TASP1: variants seen among roughly 807,000 people sequenced by gnomAD.
The protein encoded by TASP1 is taspase 1, also known as threonine aspartase 1.
TASP1 carries 16 observed loss-of-function variants against 56.6 expected under a neutral mutation model. The ratio of observed to expected loss-of-function variants is 0.28; its 90% confidence interval spans 0.19 to 0.43. The LOEUF is 0.43. TASP1 is among the 20% of genes least tolerant of loss of function. TASP1 has a pLI of 1.00. For synonymous variants in TASP1, 179 were observed against 184.2 expected (o/e 0.97, Z 0.23); for missense variants, 393 against 511.6 (o/e 0.77, Z 2.24).
chr20:13,206,585 C>T, the TASP1 span, among the ~76,000 whole-genome samples: 1 of 152,084 alleles, frequency 6.6e-6, no homozygotes, highest in African/African-American at 2.4e-5. Context: ...GGGAGGAAGG[C>T]CTGCACAAGG....
At chr20:13,253,879 G>A in the TASP1 span, among the ~76,000 whole-genome samples, 14 of 98,310 alleles carry the variant, frequency 1.4e-4, no homozygotes, top group East Asian at 1.1e-3. Flanking sequence ...ATATATATAT[G>A]TGTGTGTGTA....
At chr20:13,252,271 G>A in the TASP1 span, among the ~76,000 whole-genome samples, 1 of 152,176 alleles carries the variant, frequency 6.6e-6, no homozygotes, top group Non-Finnish European at 1.5e-5. Context: ...GGACCATTTG[G>A]CTTTGATGAT....
intron 8 of TASP1, among the ~76,000 whole-genome samples, chr20:13,555,686 G>C (rs2046133409): frequency 6.6e-6 from 1 of 152,142 alleles, no homozygotes; most frequent in Non-Finnish European, 1.5e-5. Flanking sequence ...AAATGCCTAT[G>C]AATGTTGATA....
Position 13,472,303 on chromosome 20 carries a change from C to T in TASP1, c.985+10924G>A, listed in dbSNP as rs560477734. Among the ~76,000 whole-genome samples the T allele has an allele frequency of 2.6e-5, 4 of 151,052 alleles. No individual in the cohort carries two copies. The South Asian group carries it at 8.3e-4, about 31-fold the overall frequency. On this transcript the variant is annotated intron_variant, in intron 11 of 13. Transcript: ENST00000337743. The stretch of plus-strand genomic sequence containing the variant: ...CTTATGTAGAAAGCTGAAACTGGAT[C>T]CCCTCTTTACACCTTATACAAAAAT...
intron 11 of TASP1, among the ~76,000 whole-genome samples, chr20:13,471,289 A>G (rs1416018116): frequency 6.6e-6 from 1 of 152,056 alleles, no homozygotes; most frequent in Admixed American, 6.5e-5. Context: ...ATGGAAGACA[A>G]CCCCAAGGTC....
At chr20:13,185,023 A>T in the TASP1 span, among the ~76,000 whole-genome samples, 1 of 152,140 alleles carries the variant, frequency 6.6e-6, no homozygotes, top group Admixed American at 6.6e-5. Flanking sequence ...ATGGAAGATT[A>T]AAAAAATAAC....
chr20:13,614,238 G>A (rs973853755), intron 4 of TASP1, among the ~76,000 whole-genome samples: 1 of 152,068 alleles, frequency 6.6e-6, no homozygotes, highest in African/African-American at 2.4e-5. Context: ...GAACACTTGA[G>A]TCAAACATAG....
At chr20:13,279,759 G>C in the TASP1 span, 1 of 1,614,050 alleles carries the variant, frequency 6.2e-7, no homozygotes. Context: ...CCCTGTCCTT[G>C]GCCAGGGCAA....
chr20:13,546,677 T>C (rs1307560695), intron 8 of TASP1, among the ~76,000 whole-genome samples: 1 of 152,180 alleles, frequency 6.6e-6, no homozygotes, highest in Non-Finnish European at 1.5e-5. Context: ...TTTACCTGCA[T>C]TAACAGGAAA....
chr20:13,485,260 T>A (rs1181049472), intron 10 of TASP1, among the ~76,000 whole-genome samples: 1 of 152,198 alleles, frequency 6.6e-6, no homozygotes, highest in African/African-American at 2.4e-5. Flanking sequence ...CATAGCAGAT[T>A]AGAAATATGT....
chr20:13,201,754 CTTTT>C, the TASP1 span, among the ~76,000 whole-genome samples: 2 of 138,616 alleles, frequency 1.4e-5, no homozygotes, highest in African/African-American at 2.6e-5. Flanking sequence ...AGATGGTAAA[CTTTT>C]TTTTTTTTTT....
the TASP1 span, among the ~76,000 whole-genome samples, chr20:13,236,665 T>C: frequency 3.8e-3 from 584 of 152,208 alleles, 5 homozygotes; most frequent in Middle Eastern, 0.017. Context: ...CTAGATACAA[T>C]GGGGGTACAG....
chr20:13,415,828 C>T (rs1005362830), intron 13 of TASP1, among the ~76,000 whole-genome samples: 40 of 152,258 alleles, frequency 2.6e-4, no homozygotes, highest in African/African-American at 8.7e-4. Context: ...TCAGTGCTGA[C>T]GTCCACCTCA....
the TASP1 span, among the ~76,000 whole-genome samples, chr20:13,286,336 A>G: frequency 9.4e-6 from 1 of 106,016 alleles, no homozygotes; most frequent in Admixed American, 9.2e-5. Flanking sequence ...GGGAGCAGCG[A>G]CTGCTCCTAC....
chr20:13,340,791 C>G, the TASP1 span, among the ~76,000 whole-genome samples: 17 of 152,104 alleles, frequency 1.1e-4, no homozygotes, highest in Non-Finnish European at 2.1e-4. Flanking sequence ...TACAAATTTA[C>G]CACTGAAATC....
the TASP1 span, among the ~76,000 whole-genome samples, chr20:13,345,805 G>A: frequency 2.6e-5 from 4 of 151,740 alleles, no homozygotes; most frequent in African/African-American, 7.2e-5. Context: ...GTTACAGGGG[G>A]GCAGCTGAGG....
intron 8 of TASP1, among the ~76,000 whole-genome samples, chr20:13,552,756 G>C (rs2046021539): frequency 6.6e-6 from 1 of 152,198 alleles, no homozygotes; most frequent in African/African-American, 2.4e-5. Flanking sequence ...GTTACATGCT[G>C]AGGAGGCAAG....
the TASP1 span, among the ~76,000 whole-genome samples, chr20:13,241,569 TATAAATAGAGTGATGGTA>T: frequency 6.6e-6 from 1 of 151,748 alleles, no homozygotes; most frequent in Middle Eastern, 3.2e-3. Flanking sequence ...CAGACAGGAG[TATAAATAGAGTGATGGTA>T]ATAAAAGAGT....
chr20:13,565,326 C>G (rs1046864110), intron 7 of TASP1, among the ~76,000 whole-genome samples: 2 of 151,610 alleles, frequency 1.3e-5, no homozygotes. Flanking sequence ...GGATATAACA[C>G]CAAAACACAG....
Sources: gnomAD v4.1 joint callset for allele counts (sites outside exome capture counted in the v4.1 genomes callset) on GRCh38, gnomAD v4.1.1 for gene constraint, MANE v1.5 for transcripts, NCBI Gene and HGNC (gene_info 2026-07-23, HGNC 2026-07-21) for gene names.